The following CUL3 variants were observed in gnomAD, a reference collection of about 807,000 sequenced individuals.
The protein encoded by CUL3 is cullin-3.
In CUL3, 19 loss-of-function variants were observed where a neutral mutation model predicts 89.1. The observed-to-expected ratio is 0.21, with a 90% confidence interval of 0.15 to 0.31. The LOEUF (loss-of-function observed/expected upper bound fraction) is 0.31. Ranked by LOEUF, CUL3 falls within the 10% of genes least tolerant of loss-of-function variation. CUL3 has a pLI of 1.00. For missense variants in CUL3, 469 were observed against 942.3 expected, an observed-to-expected ratio of 0.50 and a Z score of 6.58; for synonymous variants, 351 against 308.4, an observed-to-expected ratio of 1.14 and a Z score of -1.45.
chr2:224,534,927 G>A (rs1457168075), intron 3 of CUL3, among the ~76,000 whole-genome samples: 1 of 151,578 alleles, frequency 6.6e-6, no homozygotes, highest in East Asian at 1.9e-4. Context: ...CGTGAACCCG[G>A]GAGGCAGAGC....
chr2:224,483,916 A>G (rs1691621762), intron 13 of CUL3, among the ~76,000 whole-genome samples: 1 of 152,212 alleles, frequency 6.6e-6, no homozygotes, highest in Non-Finnish European at 1.5e-5. Flanking sequence ...TGCGCCAAGC[A>G]CGGTTGCTCA....
chr2:224,541,947 C>A (rs574025657), intron 2 of CUL3, among the ~76,000 whole-genome samples: 13 of 152,200 alleles, frequency 8.5e-5, no homozygotes, highest in Non-Finnish European at 1.3e-4. Context: ...TGGGGTCAAG[C>A]AACTGTTCTA....
intron 2 of CUL3, chr2:224,556,181 T>C (rs1233479118): frequency 6.6e-6 from 1 of 152,122 alleles, no homozygotes; most frequent in Non-Finnish European, 1.5e-5. Context: ...CATGCAAGAA[T>C]CATCAATGGA....
chr2:224,563,590 G>A (rs1243359711), intron 1 of CUL3, among the ~76,000 whole-genome samples: 2 of 152,076 alleles, frequency 1.3e-5, no homozygotes, highest in Admixed American at 6.5e-5. Context: ...ACCAACCACT[G>A]CCTGAAAATA....
At chr2:224,568,316 G>A (rs1001986331) in intron 1 of CUL3, among the ~76,000 whole-genome samples, 1 of 152,218 alleles carries the variant, frequency 6.6e-6, no homozygotes, top group Non-Finnish European at 1.5e-5. Flanking sequence ...GTGACAGTTT[G>A]TAACCATCAC....
intron 3 of CUL3, among the ~76,000 whole-genome samples, chr2:224,525,961 T>C (rs938562176): frequency 1.3e-5 from 2 of 152,198 alleles, no homozygotes; most frequent in African/African-American, 4.8e-5. Flanking sequence ...CAGGCACCCA[T>C]AAACCCCTTG....
chr2:224,514,291 A>AC (rs1184639034), intron 4 of CUL3, among the ~76,000 whole-genome samples: 1 of 152,208 alleles, frequency 6.6e-6, no homozygotes, highest in Admixed American at 6.5e-5. Context: ...AAGCCCTTAA[A>AC]GAAAAAAAAA....
intron 1 of CUL3, among the ~76,000 whole-genome samples, chr2:224,561,383 T>G (rs890397817): frequency 1.3e-5 from 2 of 152,236 alleles, no homozygotes; most frequent in East Asian, 3.8e-4. Context: ...TAAAAATTAC[T>G]GAGTTAGTGG....
chr2:224,530,908 A>C (rs1346727680), intron 3 of CUL3, among the ~76,000 whole-genome samples: 1 of 139,942 alleles, frequency 7.1e-6, no homozygotes, highest in Non-Finnish European at 1.6e-5. Flanking sequence ...CCCTGTCTCA[A>C]AAAACAAAAC....
In CUL3 at chr2:224,503,751, A is replaced by G. The variant is rs1316243652; in HGVS notation, c.1278T>C (p.Asp426=). The part of the protein sequence containing the change: ...MVLFRFMQEK[D]VFERYYKQHL... Reference sequence around the variant, plus strand: ...GTTGTTTATAATAACGTTCAAATACATCTTTTTCTTGCATAAACCTAAAAA... The same window carrying G: ...GTTGTTTATAATAACGTTCAAATACGTCTTTTTCTTGCATAAACCTAAAAA... The change falls in exon 9 of 16, where the codon GAT becomes GAC. Residue 426 remains aspartate, a synonymous_variant. Transcript: ENST00000264414. 1.9e-6 allele frequency: 3 copies of G among 1,608,568 alleles called. No individual in the cohort carries two copies. In the South Asian group the frequency reaches 3.4e-5, roughly 18 times the overall value.
In CUL3 at chr2:224,474,589, G is replaced by GAT. The variant is rs1691249467; in HGVS notation, c.2176-215_2176-214dup. The GAT allele has an allele frequency of 9.7e-5, 47 of 482,612 alleles. No homozygotes were observed. The South Asian group carries it at 1.3e-3, about 13-fold the overall frequency. 29.9% of individuals were successfully genotyped at this position (482,612 alleles called of 1,614,324 possible). A position where few individuals can be genotyped will look rare whatever the true frequency, so the allele number is the denominator to read the frequency against. ...AAATCAGAATGTGAATGCTAAAGTG[G>GAT]ATAGCAGTTGAATAATTGAATTAGT... On this transcript the variant is annotated intron_variant, in intron 15 of 15. Transcript: ENST00000264414.
At chr2:224,486,233 G>C (rs1017068840) in intron 13 of CUL3, among the ~76,000 whole-genome samples, 1 of 152,176 alleles carries the variant, frequency 6.6e-6, no homozygotes, top group Non-Finnish European at 1.5e-5. Context: ...CTCCTCGCCA[G>C]CAAGGGCACA....
chr2:224,583,104 C>A (rs927641067), intron 1 of CUL3, among the ~76,000 whole-genome samples: 1 of 152,232 alleles, frequency 6.6e-6, no homozygotes, highest in East Asian at 1.9e-4. Flanking sequence ...ATAGGCCTGG[C>A]GCGGTGGCTC....
chr2:224,537,554 C>G (rs577211687), intron 2 of CUL3, among the ~76,000 whole-genome samples: 102 of 152,204 alleles, frequency 6.7e-4, no homozygotes, highest in African/African-American at 2.4e-3. Flanking sequence ...TAGCACTTGT[C>G]AGATACAAAT....
intron 2 of CUL3, among the ~76,000 whole-genome samples, chr2:224,551,927 AC>A (rs1170189121): frequency 6.6e-6 from 1 of 152,010 alleles, no homozygotes; most frequent in Non-Finnish European, 1.5e-5. Flanking sequence ...CCCTTTCTTG[AC>A]CTATGTGGTT....
intron 8 of CUL3, 94 bp from the exon 9 acceptor site, chr2:224,503,916 A>T: frequency 2.1e-6 from 2 of 937,794 alleles, no homozygotes; most frequent in African/African-American, 3.3e-5. Flanking sequence ...TATTGTTTGA[A>T]AACATAGATA....
In CUL3 at chr2:224,482,326, T is replaced by G. The variant is rs3820764; in HGVS notation, c.1843-248A>C. Reference sequence around the variant, plus strand: ...TACTTTTTTGTTTCAGGAGATACAATGGCTAATCCAAAAATGTTATCCAGC... The same window carrying G: ...TACTTTTTTGTTTCAGGAGATACAAGGGCTAATCCAAAAATGTTATCCAGC... On this transcript the variant is annotated intron_variant, in intron 13 of 15. Transcript: ENST00000264414. Among the ~76,000 whole-genome samples, 46 of 152,082 alleles carry G rather than the reference T, an allele frequency of 3.0e-4. No homozygotes were observed. In the East Asian group the frequency reaches 8.7e-3, roughly 29 times the overall value.
In CUL3 at chr2:224,532,527, T is replaced by C. The variant is rs1049754974; in HGVS notation, c.378+3001A>G. Among the ~76,000 whole-genome samples the C allele has an allele frequency of 1.5e-4, 22 of 151,206 alleles. No homozygotes were observed. In the South Asian group the frequency reaches 2.1e-3, roughly 14 times the overall value. ...TCTATTCTGAGATGAAAAGATACCA[T>C]GGTGATACTAGTAAGGGCAAAACTT... On this transcript the variant is annotated intron_variant, in intron 3 of 15. Transcript: ENST00000264414.
At chr2:224,583,667 C>G (rs1263921343) in intron 1 of CUL3, among the ~76,000 whole-genome samples, 1 of 152,186 alleles carries the variant, frequency 6.6e-6, no homozygotes, top group African/African-American at 2.4e-5. Context: ...CGCACACTGA[C>G]TTTAGTATTT....
Sources: allele counts gnomAD v4.1 joint callset (sites outside exome capture counted in the v4.1 genomes callset), GRCh38; gene constraint gnomAD v4.1.1; transcripts MANE v1.5; gene names NCBI Gene and HGNC (gene_info 2026-07-23, HGNC 2026-07-21).